RGS12: variants seen among roughly 807,000 people sequenced by gnomAD.
RGS12 encodes the protein regulator of G-protein signaling 12.
A neutral mutation model predicts 120.1 loss-of-function variants in RGS12; 66 were observed. That is an observed-to-expected ratio of 0.55 (90% CI 0.45 to 0.67). The LOEUF (loss-of-function observed/expected upper bound fraction) is 0.67. Ranked by LOEUF, RGS12 falls within the 30% of genes least tolerant of loss-of-function variation. The probability of loss-of-function intolerance (pLI) is 0.00; values close to 1 mark genes in which losing one functional copy is unlikely to be tolerated. For missense variants in RGS12, 1,859 were observed against 1,957.7 expected, an observed-to-expected ratio of 0.95 and a Z score of 0.95; for synonymous variants, 827 against 804.7, an observed-to-expected ratio of 1.03 and a Z score of -0.47.
chr4:3,309,594 G>A (rs1724210460), intron 1 of RGS12, among the ~76,000 whole-genome samples: 1 of 118,986 alleles, frequency 8.4e-6, no homozygotes, highest in Non-Finnish European at 1.7e-5. Context: ...ACTGTGTTGA[G>A]GAGGAGCTGG....
chr4:3,293,992 C>T (rs151140252), intron 1 of RGS12, among the ~76,000 whole-genome samples: 6 of 28,974 alleles, frequency 2.1e-4, no homozygotes, highest in Non-Finnish European at 3.8e-4. Flanking sequence ...AGGGTGAACA[C>T]AGAGGGGGCC....
intron 3 of RGS12, among the ~76,000 whole-genome samples, chr4:3,384,837 A>C (rs571461666): frequency 6.6e-6 from 1 of 152,288 alleles, no homozygotes; most frequent in South Asian, 2.1e-4. Flanking sequence ...TAGCTGGTGT[A>C]GGTCGCAGGG....
At chr4:3,356,349 C>T (rs1014091797) in intron 3 of RGS12, among the ~76,000 whole-genome samples, 2 of 152,050 alleles carry the variant, frequency 1.3e-5, no homozygotes, top group Non-Finnish European at 2.9e-5. Flanking sequence ...GCCACCATGC[C>T]TGGCCTTTCA....
chr4:3,324,443 T>G (rs1209398734), intron 2 of RGS12: 10 of 249,068 alleles, frequency 4.0e-5, no homozygotes, highest in Non-Finnish European at 8.0e-5. Context: ...AGTCTCTGCT[T>G]CTTCTCTTGC....
chr4:3,347,360 C>T (rs953228037), intron 3 of RGS12, among the ~76,000 whole-genome samples: 4 of 152,090 alleles, frequency 2.6e-5, no homozygotes, highest in East Asian at 1.9e-4. Flanking sequence ...CGGAGAATGG[C>T]GTGATCCTGG....
chr4:3,358,027 C>T (rs953909886), intron 3 of RGS12, among the ~76,000 whole-genome samples: 7 of 152,192 alleles, frequency 4.6e-5, no homozygotes, highest in Non-Finnish European at 7.4e-5. Flanking sequence ...TTCCTTTCAG[C>T]AATGTTTTCT....
At position 3,428,135 on chromosome 4, in the gene RGS12, C is replaced by T; in HGVS notation, c.3377C>T (p.Ala1126Val). ...GGTGTGCCAGTGAAACAGAACACAG[C>T]TGTAAATTCCAGCTCCAGAAACCAC... ...QKGVPVKQNTAVNSSSRNHSA... is the reference protein window; with the variant it reads ...QKGVPVKQNTVVNSSSRNHSA... The change falls in exon 15 of 18, where the codon GCT becomes GTT. Residue 1126 changes from alanine to valine, a missense_variant. This residue lies in a region of RGS12 where 517 missense variants were observed against 488.5 expected (regional missense o/e 1.06). Transcript: ENST00000336727. 1 of 1,613,732 alleles carries T rather than the reference C, an allele frequency of 6.2e-7. No homozygotes were observed. Among genetic ancestry groups the T allele is most frequent in the Non-Finnish European group, 8.5e-7 (1 of 1,179,840 alleles).
chr4:3,425,664 AGG>A, intron 14 of RGS12, 104 bp downstream of exon 14: 1 of 26,942 alleles, frequency 3.7e-5, no homozygotes, highest in Non-Finnish European at 6.8e-5. Flanking sequence ...GGGCCAGTGC[AGG>A]GGAGGGGCAG....
chr4:3,370,067 T>C, intron 3 of RGS12: 8 of 1,267,192 alleles, frequency 6.3e-6, no homozygotes, highest in Non-Finnish European at 8.0e-6. Flanking sequence ...ACGGCGCTTC[T>C]TTCTTTGGAT....
At chr4:3,431,198 A>G (rs955668721) in intron 17 of RGS12, 4 of 1,382,660 alleles carry the variant, frequency 2.9e-6, no homozygotes, top group Non-Finnish European at 9.3e-7. Flanking sequence ...TGGTGTCCTG[A>G]GAGGCTCTTG....
chr4:3,347,317 G>A (rs1424927964), intron 3 of RGS12, among the ~76,000 whole-genome samples: 2 of 152,074 alleles, frequency 1.3e-5, no homozygotes, highest in Non-Finnish European at 2.9e-5. Context: ...GGTGGTGGGC[G>A]CCTGTATTCT....
At chr4:3,435,951 CCCCCACTCCCCTATT>C (rs151056008) in intron 17 of RGS12, among the ~76,000 whole-genome samples, 27,183 of 151,798 alleles carry the variant, frequency 0.18, 2,699 homozygotes, top group African/African-American at 0.2. Flanking sequence ...CCCTCAGTCA[CCCCCACTCCCCTATT>C]CCCCACTCCC....
chr4:3,293,303 C>CGCGGGGCGGG (rs532215407), intron 1 of RGS12, among the ~76,000 whole-genome samples: 17 of 143,898 alleles, frequency 1.2e-4, no homozygotes, highest in Admixed American at 7.5e-4. Context: ...CCGGGCCCGG[C>CGCGGGGCGGG]GCGGGGCGGG....
At chr4:3,335,425 C>T (rs1712332737) in intron 2 of RGS12, among the ~76,000 whole-genome samples, 1 of 152,206 alleles carries the variant, frequency 6.6e-6, no homozygotes, top group Admixed American at 6.5e-5. Context: ...GGTTACTCAG[C>T]TTACTGCCCT....
At chr4:3,304,012 C>T (rs2239725) in intron 1 of RGS12, among the ~76,000 whole-genome samples, 106,700 of 152,194 alleles carry the variant, frequency 0.7, 39,188 homozygotes, top group African/African-American at 0.93. Context: ...AGTCGCTGTG[C>T]TGCTGCCTAG....
chr4:3,339,505 C>T (rs1208412331), intron 2 of RGS12, among the ~76,000 whole-genome samples: 2 of 152,104 alleles, frequency 1.3e-5, no homozygotes, highest in Admixed American at 6.5e-5. Context: ...ATTAAACTCT[C>T]TTATCACTGT....
intron 3 of RGS12, among the ~76,000 whole-genome samples, chr4:3,373,835 C>G (rs891674667): frequency 3.3e-5 from 5 of 152,238 alleles, no homozygotes; most frequent in African/African-American, 1.2e-4. Flanking sequence ...TTTTCTGACA[C>G]TCTGAGTCTC....
chr4:3,356,514 C>T (rs1714912715), intron 3 of RGS12, among the ~76,000 whole-genome samples: 2 of 152,236 alleles, frequency 1.3e-5, no homozygotes, highest in South Asian at 4.2e-4. Context: ...CTCTATACCC[C>T]TTAAACACTA....
At chr4:3,406,170 C>T (rs1183607730) in intron 4 of RGS12, among the ~76,000 whole-genome samples, 1 of 152,142 alleles carries the variant, frequency 6.6e-6, no homozygotes, top group Non-Finnish European at 1.5e-5. Context: ...GGGGCCCCGC[C>T]GAGGTGACCG....
Sources: gnomAD v4.1 joint callset for allele counts (sites outside exome capture counted in the v4.1 genomes callset) on GRCh38, gnomAD v4.1.1 for gene constraint, gnomAD v4.1.1 regional missense constraint, MANE v1.5 for transcripts, NCBI Gene and HGNC (gene_info 2026-07-23, HGNC 2026-07-21) for gene names.